BFAR: variants seen among roughly 807,000 people sequenced by gnomAD.
The protein encoded by BFAR is bifunctional apoptosis regulator, also known as RING finger protein 47.
In BFAR, 52 loss-of-function variants were observed where a neutral mutation model predicts 54.4. That is an observed-to-expected ratio of 0.96 (90% CI 0.77 to 1.21). The LOEUF (loss-of-function observed/expected upper bound fraction) is 1.21, where lower values mean the gene tolerates loss of function less well. Ranked by LOEUF, BFAR falls within the 50% of genes most tolerant of loss-of-function variation. The pLI is 0.00. For missense variants in BFAR, 571 were observed against 534.0 expected, an observed-to-expected ratio of 1.07 and a Z score of -0.68; for synonymous variants, 215 against 204.3, an observed-to-expected ratio of 1.05 and a Z score of -0.45.
intron 7 of BFAR, among the ~76,000 whole-genome samples, chr16:14,666,229 C>A (rs776326177): frequency 1.3e-5 from 2 of 152,172 alleles, no homozygotes; most frequent in Non-Finnish European, 2.9e-5. Context: ...TGGTTTCAGC[C>A]CTACCCAGAC....
chr16:14,635,980 C>A (rs572350142), intron 1 of BFAR, among the ~76,000 whole-genome samples: 1 of 152,148 alleles, frequency 6.6e-6, no homozygotes, highest in Admixed American at 6.6e-5. Context: ...GTTCTGTTTG[C>A]GGTTCCTGAA....
intron 7 of BFAR, among the ~76,000 whole-genome samples, chr16:14,666,795 T>C (rs552616705): frequency 9.2e-5 from 14 of 152,330 alleles, no homozygotes; most frequent in African/African-American, 2.4e-4. Flanking sequence ...CTTATTTATA[T>C]ACAATATGCA....
intron 5 of BFAR, among the ~76,000 whole-genome samples, chr16:14,659,791 A>T (rs1960239624): frequency 6.6e-6 from 1 of 151,960 alleles, no homozygotes; most frequent in Non-Finnish European, 1.5e-5. Context: ...ACCTCAGGTG[A>T]TCTGCCTGCC....
chr16:14,638,067 C>G (rs1244635989), intron 1 of BFAR, among the ~76,000 whole-genome samples: 2 of 152,102 alleles, frequency 1.3e-5, no homozygotes, highest in Non-Finnish European at 2.9e-5. Context: ...CAAAATCTTT[C>G]TATTCTTACA....
rs907512563 is a variant in BFAR, at chr16:14,668,978, C to T, written c.*1151C>T. On this transcript the variant is annotated 3_prime_UTR_variant, in exon 8 of 8. Coordinates refer to ENST00000261658, the MANE Select transcript of BFAR (RefSeq NM_016561.3). ...ATACAGCAGGTATAATTACACCAAG[C>T]GCTATAGTTATAAATATGGCATGAA... is the stretch of plus-strand genomic sequence containing the variant. The T allele has an allele frequency of 1.8e-5, 8 of 437,708 alleles. No homozygotes were observed. Among genetic ancestry groups the T allele is most frequent in the Admixed American group, 5.0e-5 (2 of 39,916 alleles). The allele number at this position is 437,708 out of a possible 1,614,324, so 27.1% of individuals were successfully genotyped here.
chr16:14,639,247 A>C (rs1959548414), intron 1 of BFAR, among the ~76,000 whole-genome samples: 1 of 151,982 alleles, frequency 6.6e-6, no homozygotes, highest in South Asian at 2.1e-4. Flanking sequence ...CACCCGCCTC[A>C]GCCTCCCAAA....
Position 14,668,778 on chromosome 16 carries a change from A to C in BFAR, c.*951A>C, listed in dbSNP as rs895733228. The C allele has an allele frequency of 6.3e-6, 1 of 158,258 alleles. No individual in the cohort carries two copies. The highest frequency in any genetic ancestry group is 1.4e-5 in the Non-Finnish European group (1 of 71,912). The allele number at this position is 158,258 out of a possible 1,614,324, so 9.8% of individuals were successfully genotyped here. A position where few individuals can be genotyped will look rare whatever the true frequency, so the allele number is the denominator to read the frequency against. On this transcript the variant is annotated 3_prime_UTR_variant, in exon 8 of 8. Coordinates refer to ENST00000261658, the MANE Select transcript of BFAR (RefSeq NM_016561.3). ...CCTGAACCCAGGAGGCGGAGGTTGC[A>C]GGGAGGGAGACTGCACCACTGCACT...
intron 2 of BFAR, 70 bp from the exon 3 acceptor site, chr16:14,648,318 G>A: frequency 2.5e-6 from 3 of 1,224,406 alleles, no homozygotes; most frequent in Non-Finnish European, 3.5e-6. Context: ...GACTATCAGG[G>A]CTTTTTTGGC....
intron 2 of BFAR, among the ~76,000 whole-genome samples, chr16:14,644,860 G>A (rs1959744539): frequency 6.6e-6 from 1 of 152,086 alleles, no homozygotes. Flanking sequence ...CACACTTGGA[G>A]CCCACCTCCT....
At chr16:14,657,911 T>C (rs1960174433) in intron 5 of BFAR, among the ~76,000 whole-genome samples, 1 of 152,114 alleles carries the variant, frequency 6.6e-6, no homozygotes, top group Non-Finnish European at 1.5e-5. Context: ...TTTTTTGAAA[T>C]GGAGTCTCAC....
chr16:14,645,559 C>T (rs1446852141), intron 2 of BFAR, among the ~76,000 whole-genome samples: 1 of 152,148 alleles, frequency 6.6e-6, no homozygotes, highest in Non-Finnish European at 1.5e-5. Context: ...CTTCTATTGT[C>T]TAACAATGTG....
chr16:14,649,797 T>A lies in BFAR; in HGVS notation c.469-7T>A. 1 of 1,587,086 alleles carries A rather than the reference T, an allele frequency of 6.3e-7. No individual in the cohort carries two copies. The highest frequency in any genetic ancestry group is 8.6e-7 in the Non-Finnish European group (1 of 1,163,410). On this transcript the variant is annotated splice_region_variant and splice_polypyrimidine_tract_variant and intron_variant, in intron 3 of 7. Coordinates refer to ENST00000261658, the MANE Select transcript of BFAR (RefSeq NM_016561.3). ...CATGGTTTAAAGTCCCTGTCACTTT[T>A]CCCCAGGTGGTCCTGCTCGTCTATC...
chr16:14,646,940 C>CT (rs1265548304), intron 2 of BFAR, among the ~76,000 whole-genome samples: 3 of 151,710 alleles, frequency 2.0e-5, no homozygotes, highest in South Asian at 4.2e-4. Flanking sequence ...TTTTTAAATA[C>CT]TTTTTTTTAA....
chr16:14,653,188 A>G (rs929801340), intron 4 of BFAR, among the ~76,000 whole-genome samples: 8 of 152,178 alleles, frequency 5.3e-5, no homozygotes, highest in South Asian at 2.1e-4. Context: ...CAAATTACCC[A>G]TAAAAGGACG....
chr16:14,662,425 C>T (rs750121083), intron 6 of BFAR, among the ~76,000 whole-genome samples: 8 of 152,262 alleles, frequency 5.3e-5, no homozygotes, highest in Non-Finnish European at 1.2e-4. Flanking sequence ...GCCTGCTAAT[C>T]GGCTCCCTTG....
At chr16:14,635,820 C>T (rs569112581) in intron 1 of BFAR, among the ~76,000 whole-genome samples, 1 of 151,190 alleles carries the variant, frequency 6.6e-6, no homozygotes, top group Non-Finnish European at 1.5e-5. Flanking sequence ...TTAGTAGATA[C>T]GGGGTTTCAC....
chr16:14,664,881 C>A lies in BFAR; in HGVS notation c.970C>A (p.Pro324Thr), dbSNP rs759392639. The A allele has an allele frequency of 3.1e-6, 5 of 1,613,408 alleles. No homozygotes were observed. The South Asian group carries it at 5.5e-5, about 18-fold the overall frequency. ...IVTKLLDLKE[P>T]TWKQWREFLV... Reference sequence around the variant, plus strand: ...GTTATTTTTTAAGGATCTTAAGGAGCCTACGTGGAAGCAGTGGAGAGAGTT... The same window carrying A: ...GTTATTTTTTAAGGATCTTAAGGAGACTACGTGGAAGCAGTGGAGAGAGTT... The change falls in exon 7 of 8, where the codon CCT becomes ACT. Residue 324 changes from proline (P) to threonine (T), a missense_variant. Transcript: ENST00000261658.
chr16:14,647,184 A>G (rs1959822154), intron 2 of BFAR, among the ~76,000 whole-genome samples: 1 of 152,016 alleles, frequency 6.6e-6, no homozygotes, highest in Non-Finnish European at 1.5e-5. Flanking sequence ...TCCCAGGTTC[A>G]AGCGATTCTC....
chr16:14,639,843 G>A lies in BFAR; in HGVS notation c.-73-4431G>A, dbSNP rs74784338. Among the ~76,000 whole-genome samples, 189 of 152,256 alleles carry A rather than the reference G, an allele frequency of 1.2e-3. 2 individuals carry two copies. Among genetic ancestry groups the A allele is most frequent in the Admixed American group, 0.011 (169 of 15,288 alleles). ...AGTTGTGCCAACAATGATAAGTAAC[G>A]ACCTGACGTGAAATCAAGAGAGAGG... On this transcript the variant is annotated intron_variant, in intron 1 of 7. Coordinates refer to ENST00000261658, the MANE Select transcript of BFAR (RefSeq NM_016561.3).
Sources: gnomAD v4.1 joint callset for allele counts (sites outside exome capture counted in the v4.1 genomes callset) on GRCh38, gnomAD v4.1.1 for gene constraint, MANE v1.5 for transcripts, NCBI Gene and HGNC (gene_info 2026-07-23, HGNC 2026-07-21) for gene names.